Variants in CHD9 observed in about 807,000 individuals in gnomAD.
The protein encoded by CHD9 is chromodomain helicase DNA binding protein 9.
Under a neutral mutation model 316.1 loss-of-function variants are expected in CHD9, and 77 were observed. The ratio of observed to expected loss-of-function variants is 0.24; its 90% CI spans 0.20 to 0.29. The LOEUF is 0.29. Ranked by LOEUF, CHD9 falls within the 10% of genes least tolerant of loss-of-function variation. The pLI, the probability that CHD9 is intolerant of heterozygous loss-of-function variation, is 1.00. For missense variants in CHD9, 2,763 were observed against 3,438.1 expected, an observed-to-expected ratio of 0.80 and a Z score of 4.91; for synonymous variants, 1,129 against 1,158.3, an observed-to-expected ratio of 0.97 and a Z score of 0.51.
intron 2 of CHD9, among the ~76,000 whole-genome samples, chr16:53,164,600 A>G (rs1209599509): frequency 6.6e-6 from 1 of 151,104 alleles, no homozygotes; most frequent in African/African-American, 2.4e-5. Flanking sequence ...AACAACCATA[A>G]CAACAAAAAA....
intron 2 of CHD9, among the ~76,000 whole-genome samples, chr16:53,164,421 T>TA (rs1451305635): frequency 6.6e-6 from 1 of 151,840 alleles, no homozygotes. Flanking sequence ...CAAATATATA[T>TA]TTTTTTAATT....
chr16:53,157,349 G>A lies in CHD9; in HGVS notation c.1260G>A (p.Glu420=). The change falls in exon 2 of 39, where the codon GAG becomes GAA. Residue 420 remains glutamate (E), a synonymous_variant. Coordinates refer to ENST00000447540, the MANE Select transcript of CHD9 (RefSeq NM_001308319.2). ...AGGGTCTTCTTCCTCACTTTGATGA[G>A]TCAACATTCGGACAAGATAATTCAA... is the stretch of plus-strand genomic sequence containing the variant. ...LQEGLLPHFD[E]STFGQDNSSH... 1.2e-6 allele frequency: 2 copies of A among 1,613,896 alleles called. No homozygotes were observed. The highest frequency in any genetic ancestry group is 2.2e-5 in the South Asian group (2 of 91,078).
At chr16:53,234,680 G>A (rs145583265) in intron 10 of CHD9, among the ~76,000 whole-genome samples, 51 of 151,842 alleles carry the variant, frequency 3.4e-4, no homozygotes, top group African/African-American at 1.2e-3. Context: ...AATCTCAAGC[G>A]ATCCTCCCCA....
chr16:53,142,808 A>G (rs1159225986), intron 1 of CHD9, among the ~76,000 whole-genome samples: 1 of 152,248 alleles, frequency 6.6e-6, no homozygotes, highest in Non-Finnish European at 1.5e-5. Context: ...TTGCTATAAC[A>G]GAATACCACA....
In CHD9 at chr16:53,231,710, AAAG is replaced by A; in HGVS notation, c.2442_2444del (p.Glu814del). The A allele has an allele frequency of 1.9e-6, 3 of 1,611,558 alleles. No individual in the cohort carries two copies. Among genetic ancestry groups the A allele is most frequent in the Non-Finnish European group, 2.5e-6 (3 of 1,178,092 alleles). On this transcript the variant is annotated inframe_deletion, in exon 10 of 39. Coordinates refer to ENST00000447540, the MANE Select transcript of CHD9 (RefSeq NM_001308319.2). ...ATATGAAGATAGTACTTGGGAACTA[AAAG>A]AAGATGTAGATCTTGCAAAAATAGA...
intron 2 of CHD9, among the ~76,000 whole-genome samples, chr16:53,165,971 T>C (rs1451163652): frequency 1.3e-5 from 2 of 152,158 alleles, no homozygotes; most frequent in Non-Finnish European, 2.9e-5. Flanking sequence ...TAAATCTTTA[T>C]GCATTTGGCA....
intron 3 of CHD9, among the ~76,000 whole-genome samples, chr16:53,215,972 TATTTAG>T (rs1415501978): frequency 6.6e-6 from 1 of 152,234 alleles, no homozygotes; most frequent in Non-Finnish European, 1.5e-5. Context: ...TATGTTTTGA[TATTTAG>T]GTTTTTTCCT....
chr16:53,060,515 TG>T (rs1193162975), intron 1 of CHD9, among the ~76,000 whole-genome samples: 1 of 152,038 alleles, frequency 6.6e-6, no homozygotes, highest in Admixed American at 6.5e-5. Context: ...TCCAGAACTT[TG>T]GGGGGCTGAG....
intron 10 of CHD9, among the ~76,000 whole-genome samples, chr16:53,234,890 A>G (rs1325070061): frequency 6.6e-6 from 1 of 150,944 alleles, no homozygotes; most frequent in East Asian, 1.9e-4. Flanking sequence ...GTAAAATTGC[A>G]TTATGAATAT....
At position 53,283,549 on chromosome 16, in the gene CHD9, G is replaced by A. The variant is rs114692120; in HGVS notation, c.4968-2047G>A. ...TGCCATCTTATGGTTGGCAAAGGGA[G>A]CTATCTGACCCACTTTTTTTCTCCT... On this transcript the variant is annotated intron_variant, in intron 24 of 38. Transcript: ENST00000447540. Among the ~76,000 whole-genome samples the A allele has an allele frequency of 3.6e-3, 555 of 152,272 alleles. 9 individuals carry two copies. Among genetic ancestry groups the A allele is most frequent in the African/African-American group, 0.012 (506 of 41,560 alleles).
In CHD9 at chr16:53,245,345, G is replaced by A; in HGVS notation, c.3064G>A (p.Val1022Met). The change falls in exon 14 of 39, where the codon GTG becomes ATG. Residue 1022 changes from valine to methionine, a missense_variant. Val to Met is a conservative substitution (Grantham distance 21). Around this residue, in one of 15 missense-constraint regions of CHD9, gnomAD observed 155 missense variants for 291.8 expected, o/e 0.53. Transcript: ENST00000447540. The surrounding 1 kb of genome is among the most constrained non-coding windows in gnomAD (Gnocchi z 4.1). ...TTCTCACTTTTTGTAGGAACACAAG[G>A]TGCTTTTGACTGGCACCCCTCTCCA... ...GLKLMNLEHK[V>M]LLTGTPLQNT... is the part of the protein sequence containing the mutation. 1 of 1,535,378 alleles carries A rather than the reference G, an allele frequency of 6.5e-7. No homozygotes were observed.
chr16:53,160,856 A>G (rs2041857811), intron 2 of CHD9, among the ~76,000 whole-genome samples: 1 of 152,186 alleles, frequency 6.6e-6, no homozygotes, highest in South Asian at 2.1e-4. Flanking sequence ...GTGATGAGCC[A>G]AGATCACACC....
intron 11 of CHD9, among the ~76,000 whole-genome samples, chr16:53,237,499 T>C (rs1332530806): frequency 1.3e-5 from 2 of 152,148 alleles, no homozygotes; most frequent in African/African-American, 4.8e-5. Context: ...ATGACCCTAC[T>C]TACCTCAATA....
At position 53,156,995 on chromosome 16, in the gene CHD9, A is replaced by C; in HGVS notation, c.906A>C (p.Leu302Phe). The C allele has an allele frequency of 3.1e-6, 5 of 1,610,942 alleles. No homozygotes were observed. Among genetic ancestry groups the C allele is most frequent in the Non-Finnish European group, 4.2e-6 (5 of 1,177,660 alleles). The change falls in exon 2 of 39, where the codon TTA becomes TTC. Residue 302 changes from leucine (L) to phenylalanine (F), a missense_variant. Coordinates refer to ENST00000447540, the MANE Select transcript of CHD9 (RefSeq NM_001308319.2). Reference sequence around the variant, plus strand: ...CATCTAATCATACAAATCAGACTTTATCTGATTTTACTGGAAGTAATTCCT... The same window carrying C: ...CATCTAATCATACAAATCAGACTTTCTCTGATTTTACTGGAAGTAATTCCT... ...VLASNHTNQT[L>F]SDFTGSNSFS...
chr16:53,128,848 T>C (rs1266159525), intron 1 of CHD9, among the ~76,000 whole-genome samples: 1 of 152,160 alleles, frequency 6.6e-6, no homozygotes, highest in Non-Finnish European at 1.5e-5. Flanking sequence ...ACAGAAAATC[T>C]TTCTACAAAA....
intron 24 of CHD9, among the ~76,000 whole-genome samples, chr16:53,283,647 T>G (rs2053608043): frequency 6.6e-6 from 1 of 152,198 alleles, no homozygotes; most frequent in Admixed American, 6.5e-5. Flanking sequence ...TAATCCTACT[T>G]AATAACTCGT....
At chr16:53,222,374 C>T (rs1274165847) in intron 3 of CHD9, among the ~76,000 whole-genome samples, 1 of 152,130 alleles carries the variant, frequency 6.6e-6, no homozygotes, top group Non-Finnish European at 1.5e-5. Context: ...GCCTGGCCTA[C>T]TTGACTGCCT....
chr16:53,321,288 T>A, intron 37 of CHD9: 2 of 1,354,892 alleles, frequency 1.5e-6, no homozygotes, highest in Non-Finnish European at 1.9e-6. Flanking sequence ...GTTATTCATT[T>A]TACTGTTCTA....
intron 1 of CHD9, among the ~76,000 whole-genome samples, chr16:53,123,526 C>A (rs565363151): frequency 1.3e-5 from 2 of 151,812 alleles, no homozygotes; most frequent in African/African-American, 4.8e-5. Context: ...TTGAGACAAG[C>A]GTTTTGCTCT....
Sources: gnomAD v4.1 joint callset for allele counts (sites outside exome capture counted in the v4.1 genomes callset) on GRCh38, gnomAD v4.1.1 for gene constraint, gnomAD v4.1.1 regional missense constraint, Gnocchi (gnomAD v3.1) non-coding constraint, MANE v1.5 for transcripts, NCBI Gene and HGNC (gene_info 2026-07-23, HGNC 2026-07-21) for gene names.